The following DNAH7 variants were observed in gnomAD, a reference collection of about 807,000 sequenced individuals.
DNAH7 encodes axonemal beta dynein heavy chain 7.
DNAH7 carries 397 observed loss-of-function variants against 444.6 expected under a neutral mutation model. The ratio of observed to expected loss-of-function variants is 0.89; its 90% confidence interval spans 0.82 to 0.97. The LOEUF (loss-of-function observed/expected upper bound fraction) is 0.97. DNAH7 is among the 50% of genes least tolerant of loss of function. The pLI, the probability that DNAH7 is intolerant of heterozygous loss-of-function variation, is 0.00. For missense variants in DNAH7, 4,902 were observed against 4,800.8 expected (o/e 1.02, Z -0.62); for synonymous variants, 1,636 against 1,624.4 (o/e 1.01, Z -0.17).
chr2:196,065,126 T>C (rs1168903135), intron 1 of DNAH7, among the ~76,000 whole-genome samples: 2 of 152,176 alleles, frequency 1.3e-5, no homozygotes, highest in Non-Finnish European at 2.9e-5. Context: ...TCTTAAAAAT[T>C]ATCGTAAACA....
chr2:195,957,470 T>C (rs1553580450), intron 18 of DNAH7, 23 bp from the exon 19 acceptor site: 2 of 1,474,576 alleles, frequency 1.4e-6, no homozygotes, highest in South Asian at 2.9e-5. Flanking sequence ...ACACAGTGGC[T>C]CTTACTGACA....
chr2:195,964,481 TC>T, intron 17 of DNAH7, among the ~76,000 whole-genome samples: 1 of 151,866 alleles, frequency 6.6e-6, no homozygotes. Flanking sequence ...TTTTTGTATG[TC>T]AATTTTGTAT....
Position 196,012,420 on chromosome 2 carries a change from CA to C in DNAH7, c.989+366del, listed in dbSNP as rs1399700859. Among the ~76,000 whole-genome samples, 12 of 152,100 alleles carry C rather than the reference CA, an allele frequency of 7.9e-5. No homozygotes were observed. In the East Asian group the frequency reaches 2.1e-3, roughly 27 times the overall value. On this transcript the variant is annotated intron_variant, in intron 10 of 64. Transcript: ENST00000312428. ...TTTAAACTCTTCTGCTTTCCCCATC[CA>C]AAAACAAAATGAAGGGAGGTACAGA...
At chr2:196,068,599 G>A in intron 1 of DNAH7, 98 bp downstream of exon 1, 8 of 1,502,032 alleles carry the variant, frequency 5.3e-6, no homozygotes, top group Middle Eastern at 1.7e-4. Flanking sequence ...CGGAGTCACA[G>A]CTGGGGAGTT....
intron 30 of DNAH7, chr2:195,892,916 A>G (rs1388760330): frequency 2.9e-4 from 43 of 146,736 alleles, no homozygotes; most frequent in African/African-American, 1.1e-3. Context: ...AAACTGGAAA[A>G]AAAAAAAAAA....
At chr2:196,021,541 C>T (rs1184715019) in intron 8 of DNAH7, among the ~76,000 whole-genome samples, 1 of 151,974 alleles carries the variant, frequency 6.6e-6, no homozygotes, top group Non-Finnish European at 1.5e-5. Context: ...AATATAGGGC[C>T]AGGCACAGAG....
chr2:195,740,786 GA>G lies in DNAH7; in HGVS notation c.11847del (p.Leu3950PhefsTer7), dbSNP rs1692985206. ...CTAACCACAGGCACTGTATCATAAA[GA>G]ATTTTGGGATGCGATTCTGCAAGTT... ...IKKLAESHPK[I>X]LYDTVPVMWL... On this transcript the variant is annotated frameshift_variant, in exon 64 of 65. Transcript: ENST00000312428. LOFTEE classifies it low-confidence loss of function (END_TRUNC). The G allele has an allele frequency of 2.6e-6, 4 of 1,549,682 alleles. No individual in the cohort carries two copies. The highest frequency in any genetic ancestry group is 3.5e-6 in the Non-Finnish European group (4 of 1,146,806).
intron 19 of DNAH7, among the ~76,000 whole-genome samples, chr2:195,954,089 C>G (rs1690458137): frequency 6.6e-6 from 1 of 152,082 alleles, no homozygotes; most frequent in Non-Finnish European, 1.5e-5. Flanking sequence ...AGGTTTGTTA[C>G]ATATGTATAC....
chr2:195,976,170 A>AGGAATTGTTAGGAGGC, intron 15 of DNAH7, among the ~76,000 whole-genome samples: 1 of 151,852 alleles, frequency 6.6e-6, no homozygotes, highest in South Asian at 2.1e-4. Flanking sequence ...GAATTTCTGG[A>AGGAATTGTTAGGAGGC]CCTATCTTGG....
In DNAH7 at chr2:196,030,240, A is replaced by G. The variant is rs555611920; in HGVS notation, c.399-2193T>C. 2.4e-4 allele frequency among the ~76,000 whole-genome samples: 36 copies of G among 152,310 alleles called. 1 individual carries two copies. The highest frequency in any genetic ancestry group is 3.4e-3 in the Middle Eastern group (1 of 294). ...ATGAGAGCCAAGGGAAAGGGGTTTCACCTTATCAAACCATCAGATCCCATG... is the reference window on the plus strand; with the variant it reads ...ATGAGAGCCAAGGGAAAGGGGTTTCGCCTTATCAAACCATCAGATCCCATG... On this transcript the variant is annotated intron_variant, in intron 5 of 64. Transcript: ENST00000312428.
chr2:196,065,914 G>A (rs913351629), intron 1 of DNAH7, among the ~76,000 whole-genome samples: 3 of 152,198 alleles, frequency 2.0e-5, no homozygotes, highest in African/African-American at 7.2e-5. Context: ...TAGCATAAAT[G>A]AAATTCTCAA....
rs1399057471 is a variant in DNAH7 at position 195,934,288 on chromosome 2, A to T, written c.3471+303T>A. 2.0e-5 allele frequency among the ~76,000 whole-genome samples: 3 copies of T among 152,216 alleles called. No homozygotes were observed. The East Asian group carries it at 5.8e-4, about 29-fold the overall frequency. ...AGGCAAGACTAAAGAGAGACTGCAT[A>T]GAACAAAGTGTATCTAATTAATGAT... On this transcript the variant is annotated intron_variant, in intron 21 of 64. Transcript: ENST00000312428.
rs906593941 is a variant in DNAH7, at chr2:195,831,493, G to C, written c.9100+2713C>G. The stretch of plus-strand genomic sequence containing the variant: ...ATATCTAAACATAACTCCTTAAATG[G>C]AAGAGTCTTTATGTCGTAAATGTAT... On this transcript the variant is annotated intron_variant, in intron 48 of 64. Transcript: ENST00000312428. Among the ~76,000 whole-genome samples the C allele has an allele frequency of 3.9e-5, 6 of 152,256 alleles. No individual in the cohort carries two copies. In the East Asian group the frequency reaches 1.2e-3, roughly 29 times the overall value.
At chr2:195,927,136 G>C (rs1418759616) in intron 21 of DNAH7, among the ~76,000 whole-genome samples, 2 of 152,040 alleles carry the variant, frequency 1.3e-5, no homozygotes, top group African/African-American at 4.8e-5. Flanking sequence ...GGAGAGTTGA[G>C]GGCTGTAAAG....
At chr2:195,888,473 C>G in intron 32 of DNAH7, 39 bp from the exon 33 acceptor site, 1 of 1,539,664 alleles carries the variant, frequency 6.5e-7, no homozygotes, top group Non-Finnish European at 8.7e-7. Context: ...GGTAATAATG[C>G]TTATAAAATA....
At chr2:195,806,877 A>G in intron 53 of DNAH7, 45 bp from the exon 54 acceptor site, 1 of 1,511,658 alleles carries the variant, frequency 6.6e-7, no homozygotes, top group Non-Finnish European at 9.1e-7. Context: ...GAGATTATAA[A>G]GAGAACAGTA....
intron 47 of DNAH7, among the ~76,000 whole-genome samples, chr2:195,837,360 C>T (rs1021626743): frequency 1.3e-5 from 2 of 152,196 alleles, no homozygotes; most frequent in African/African-American, 2.4e-5. Flanking sequence ...GGGCTTTTTA[C>T]AGCCTATCTC....
At chr2:195,862,034 T>C (rs1700045956) in intron 41 of DNAH7, 88 bp from the exon 42 acceptor site, 1 of 1,017,520 alleles carries the variant, frequency 9.8e-7, no homozygotes, top group African/African-American at 1.6e-5. Context: ...TTATGGATGT[T>C]GGGGGTGAAG....
At chr2:195,931,135 C>T (rs912036935) in intron 21 of DNAH7, among the ~76,000 whole-genome samples, 8 of 152,056 alleles carry the variant, frequency 5.3e-5, no homozygotes, top group Admixed American at 1.3e-4. Context: ...CAGAATCACA[C>T]GATATATCTA....
Sources: allele counts gnomAD v4.1 joint callset (sites outside exome capture counted in the v4.1 genomes callset), GRCh38; gene constraint gnomAD v4.1.1; transcripts MANE v1.5; gene names NCBI Gene and HGNC (gene_info 2026-07-23, HGNC 2026-07-21).